The following HSP90AA1 variants were observed in gnomAD, a reference collection of about 807,000 sequenced individuals.
HSP90AA1 encodes the protein heat shock protein 90 alpha family class A member 1, also known as heat shock protein HSP 90-alpha.
Under a neutral mutation model 73.3 loss-of-function variants are expected in HSP90AA1, and 18 were observed. The observed-to-expected ratio is 0.25, with a 90% CI of 0.17 to 0.36. The LOEUF (loss-of-function observed/expected upper bound fraction) is 0.36. Ranked by LOEUF, HSP90AA1 falls within the 10% of genes least tolerant of loss-of-function variation. The pLI, the probability that HSP90AA1 is intolerant of heterozygous loss-of-function variation, is 1.00. For synonymous variants in HSP90AA1, 477 were observed against 296.9 expected (o/e 1.61, Z -6.24); for missense variants, 704 against 874.2 (o/e 0.81, Z 2.45).
At chr14:102,122,768 A>G (rs1181714727) in intron 1 of HSP90AA1, among the ~76,000 whole-genome samples, 1 of 150,758 alleles carries the variant, frequency 6.6e-6, no homozygotes, top group African/African-American at 2.4e-5. Context: ...CCTGGGTTCG[A>G]GCGATTCTCC....
chr14:102,085,278 G>C lies in HSP90AA1; in HGVS notation c.663+20C>G. The C allele has an allele frequency of 6.2e-7, 1 of 1,606,434 alleles. No individual in the cohort carries two copies. The highest frequency in any genetic ancestry group is 8.5e-7 in the Non-Finnish European group (1 of 1,174,350). On this transcript the variant is annotated intron_variant, in intron 4 of 10. Transcript: ENST00000216281. ...TCACCTACAGACAGAAATTCACTCTGCAATTACATAAAAACTTACAAAAAG... is the reference window on the plus strand; with the variant it reads ...TCACCTACAGACAGAAATTCACTCTCCAATTACATAAAAACTTACAAAAAG...
intron 6 of HSP90AA1, 163 bp from the exon 7 acceptor site, chr14:102,084,146 T>A (rs571822727): frequency 1.4e-6 from 1 of 718,674 alleles, no homozygotes; most frequent in South Asian, 1.6e-5. Flanking sequence ...CTCCACTCAC[T>A]GCAACCTCTG....
chr14:102,122,932 T>C (rs1043142272), intron 1 of HSP90AA1, among the ~76,000 whole-genome samples: 2 of 151,928 alleles, frequency 1.3e-5, no homozygotes, highest in Admixed American at 1.3e-4. Flanking sequence ...CCTCCCTAAG[T>C]GCTGGGATTA....
At chr14:102,120,125 A>T (rs924464682) in intron 1 of HSP90AA1, among the ~76,000 whole-genome samples, 10 of 152,156 alleles carry the variant, frequency 6.6e-5, no homozygotes, top group African/African-American at 2.4e-4. Flanking sequence ...GCACTTTGGG[A>T]GGCTGAAGCA....
upstream of HSP90AA1, among the ~76,000 whole-genome samples, chr14:102,087,943 T>C (rs1297462454): frequency 2.4e-4 from 29 of 119,938 alleles, no homozygotes; most frequent in Admixed American, 3.9e-4. Context: ...TTTTTTTTTT[T>C]TTTTTTTCTT....
intron 1 of HSP90AA1, among the ~76,000 whole-genome samples, chr14:102,136,462 G>A (rs1209615867): frequency 1.3e-5 from 2 of 151,496 alleles, no homozygotes; most frequent in South Asian, 2.1e-4. Context: ...CCAGCTACTC[G>A]GGAGGCTGAG....
intron 1 of HSP90AA1, among the ~76,000 whole-genome samples, chr14:102,130,982 G>T (rs923772053): frequency 1.3e-5 from 2 of 152,230 alleles, no homozygotes; most frequent in South Asian, 2.1e-4. Context: ...GCCTCCCAAG[G>T]TATTGGGATT....
At chr14:102,086,493 A>G in intron 1 of HSP90AA1, 115 bp from the exon 2 acceptor site, 2 of 1,201,836 alleles carry the variant, frequency 1.7e-6, no homozygotes, top group East Asian at 2.3e-5. Context: ...GCGAAGTTTA[A>G]GTAAACCGAA....
Position 102,082,677 on chromosome 14 carries a change from G to GT in HSP90AA1, c.1756-234dup, listed in dbSNP as rs550016868. The GT allele has an allele frequency of 3.0e-3, 1,646 of 553,772 alleles. 15 individuals are homozygous for GT. The highest frequency in any genetic ancestry group is 0.028 in the African/African-American group (1,480 of 52,958). The allele number at this position is 553,772 out of a possible 1,614,324, so 34.3% of individuals were successfully genotyped here. A position where few individuals can be genotyped will look rare whatever the true frequency, so the allele number is the denominator to read the frequency against. ...GCTCCATCACCCAGGCTGGAGTGCAGTGGTGCGATCTTGGCTCACTGCAAC... is the reference window on the plus strand; with the variant it reads ...GCTCCATCACCCAGGCTGGAGTGCAGTTGGTGCGATCTTGGCTCACTGCAAC... On this transcript the variant is annotated intron_variant, in intron 9 of 10. Coordinates refer to ENST00000216281, the MANE Select transcript of HSP90AA1 (RefSeq NM_005348.4).
Position 102,081,620 on chromosome 14 carries a change from A to G in HSP90AA1, c.*92T>C, listed in dbSNP as rs765372871. ...GTTGTCATGCCATACAGACTTTTTA[A>G]TATTAACAAAAATAAAGAAAAACAT... On this transcript the variant is annotated 3_prime_UTR_variant, in exon 11 of 11. Transcript: ENST00000216281. 1.0e-5 allele frequency: 8 copies of G among 764,768 alleles called. No individual in the cohort carries two copies. The highest frequency in any genetic ancestry group is 1.9e-5 in the Non-Finnish European group (8 of 414,966). 47.4% of individuals were successfully genotyped at this position (764,768 alleles called of 1,614,324 possible).
At chr14:102,126,481 C>T (rs1325644022) in intron 1 of HSP90AA1, among the ~76,000 whole-genome samples, 1 of 151,924 alleles carries the variant, frequency 6.6e-6, no homozygotes, top group Admixed American at 6.6e-5. Flanking sequence ...TCAAGAAACT[C>T]GGAGTCTAAA....
At chr14:102,082,950 A>G (rs188680586) in intron 9 of HSP90AA1, 84 bp downstream of exon 9, 2 of 1,394,266 alleles carry the variant, frequency 1.4e-6, no homozygotes, top group Admixed American at 1.7e-5. Flanking sequence ...TTTAAGTTGA[A>G]AACATGCGAA....
Position 102,081,088 on chromosome 14 carries a change from T to C in HSP90AA1, c.*624A>G, listed in dbSNP as rs890799015. On this transcript the variant is annotated 3_prime_UTR_variant, in exon 11 of 11. Transcript: ENST00000216281. ...GTATTTGTTACAACTTTAAGCAGAA[T>C]GTGACTCGAGCACTACATTTCCATC... 5.7e-5 allele frequency: 13 copies of C among 228,688 alleles called. No individual in the cohort carries two copies. Among genetic ancestry groups the C allele is most frequent in the Admixed American group, 3.3e-4 (6 of 17,994 alleles). The allele number at this position is 228,688 out of a possible 1,614,324, so 14.2% of individuals were successfully genotyped here.
intron 1 of HSP90AA1, among the ~76,000 whole-genome samples, chr14:102,116,835 T>C (rs546924018): frequency 2.1e-4 from 32 of 152,144 alleles, no homozygotes; most frequent in African/African-American, 7.0e-4. Flanking sequence ...AAGGGGCCCA[T>C]TGAGGACCTG....
intron 1 of HSP90AA1, among the ~76,000 whole-genome samples, chr14:102,116,436 G>A (rs985633002): frequency 3.7e-4 from 56 of 152,354 alleles, no homozygotes; most frequent in Admixed American, 5.9e-4. Flanking sequence ...ACCAGCCACA[G>A]CGGGGAGGTG....
intron 6 of HSP90AA1, chr14:102,084,195 T>A: frequency 1.5e-6 from 1 of 672,556 alleles, no homozygotes; most frequent in Non-Finnish European, 2.6e-6. Context: ...TGCCTCAGCC[T>A]GCCACTACAT....
intron 1 of HSP90AA1, among the ~76,000 whole-genome samples, chr14:102,116,801 T>C (rs954144607): frequency 6.6e-6 from 1 of 151,798 alleles, no homozygotes; most frequent in African/African-American, 2.4e-5. Flanking sequence ...AGAGAAGCAG[T>C]TGGGCATGGG....
At chr14:102,085,093 T>C in intron 4 of HSP90AA1, 95 bp from the exon 5 acceptor site, 1 of 1,596,126 alleles carries the variant, frequency 6.3e-7, no homozygotes, top group Non-Finnish European at 8.6e-7. Flanking sequence ...CAAGTCTAAA[T>C]TAGCCAACTT....
chr14:102,084,344 C>G, intron 6 of HSP90AA1, 55 bp downstream of exon 6: 2 of 1,545,178 alleles, frequency 1.3e-6, no homozygotes, highest in Non-Finnish European at 8.9e-7. Flanking sequence ...CCATGCCCAC[C>G]CAGAAAGTAC....
Sources: allele counts gnomAD v4.1 joint callset (sites outside exome capture counted in the v4.1 genomes callset), GRCh38; gene constraint gnomAD v4.1.1; transcripts MANE v1.5; gene names NCBI Gene and HGNC (gene_info 2026-07-23, HGNC 2026-07-21).